CNTNAP5: variants seen among roughly 807,000 people sequenced by gnomAD.
CNTNAP5 encodes the protein contactin associated protein family member 5, also known as contactin-associated protein-like 5.
CNTNAP5 carries 72 observed loss-of-function variants against 150.2 expected under a neutral mutation model. The observed-to-expected ratio is 0.48, with a 90% CI of 0.40 to 0.58. The LOEUF is 0.58. CNTNAP5 is among the 20% of genes least tolerant of loss of function. The pLI, the probability that CNTNAP5 is intolerant of heterozygous loss-of-function variation, is 0.00. For missense variants in CNTNAP5, 1,636 were observed against 1,626.2 expected (o/e 1.01, Z -0.10); for synonymous variants, 672 against 619.8 (o/e 1.08, Z -1.25).
At chr2:124,172,497 C>A (rs1437154666) in intron 1 of CNTNAP5, among the ~76,000 whole-genome samples, 1 of 152,204 alleles carries the variant, frequency 6.6e-6, no homozygotes, top group Non-Finnish European at 1.5e-5. Context: ...ACTGCCACCT[C>A]TGACCCCGGG....
At chr2:124,455,103 A>G (rs1482164626) in intron 6 of CNTNAP5, among the ~76,000 whole-genome samples, 1 of 152,142 alleles carries the variant, frequency 6.6e-6, no homozygotes, top group East Asian at 1.9e-4. Context: ...GATAAATGAA[A>G]CAAAAATCTG....
At position 124,896,384 on chromosome 2, in the gene CNTNAP5, A is replaced by G. The variant is rs534244566; in HGVS notation, c.3437-6498A>G. 1.5e-4 allele frequency among the ~76,000 whole-genome samples: 22 copies of G among 151,626 alleles called. 2 individuals carry two copies. Among genetic ancestry groups the G allele is most frequent in the African/African-American group, 5.4e-4 (22 of 40,964 alleles). On this transcript the variant is annotated intron_variant, in intron 21 of 23. Transcript: ENST00000682447. ...TTTATTTTACTAATATTGGCTTGAC[A>G]CTTACTCTGTATTGGACACTGTGTT...
At position 124,084,924 on chromosome 2, in the gene CNTNAP5, G is replaced by GTTTTGTTTTTTTTTTTT. The variant is rs1553435818; in HGVS notation, c.82+59196_82+59197insGTTTTTTTTTTTTTTTT. ...TAAAAATTATGAATTCAAGTTTCCTGTTTTTTTTTTTTTTTGAGACGGAGT... is the reference window on the plus strand; with the variant it reads ...TAAAAATTATGAATTCAAGTTTCCTGTTTTGTTTTTTTTTTTTTTTTTTTTTTTTTTTGAGACGGAGT... On this transcript the variant is annotated intron_variant, in intron 1 of 23. Transcript: ENST00000682447. Among the ~76,000 whole-genome samples, 541 of 89,846 alleles carry GTTTTGTTTTTTTTTTTT rather than the reference G, an allele frequency of 6.0e-3. 1 individual carries two copies. Among genetic ancestry groups the GTTTTGTTTTTTTTTTTT allele is most frequent in the Middle Eastern group, 0.016 (1 of 62 alleles). The allele number at this position is 89,846 out of a possible 152,430, so 58.9% of individuals were successfully genotyped here.
chr2:124,074,671 T>G (rs1162611668), intron 1 of CNTNAP5, among the ~76,000 whole-genome samples: 1 of 152,098 alleles, frequency 6.6e-6, no homozygotes, highest in Non-Finnish European at 1.5e-5. Flanking sequence ...CTTACCAGCC[T>G]GTGATCTATA....
At chr2:124,815,636 C>T (rs112733674) in intron 19 of CNTNAP5, among the ~76,000 whole-genome samples, 90 of 152,200 alleles carry the variant, frequency 5.9e-4, no homozygotes, top group African/African-American at 2.1e-3. Context: ...GGCATTGCTC[C>T]GAAGTGCTTA....
chr2:124,830,851 C>T (rs1682699407), intron 19 of CNTNAP5, among the ~76,000 whole-genome samples: 1 of 151,934 alleles, frequency 6.6e-6, no homozygotes, highest in African/African-American at 2.4e-5. Flanking sequence ...GTTATATCTT[C>T]TCAAGGAGAA....
intron 16 of CNTNAP5, among the ~76,000 whole-genome samples, chr2:124,767,415 C>T (rs188907631): frequency 1.2e-4 from 19 of 152,258 alleles, no homozygotes; most frequent in East Asian, 3.9e-4. Flanking sequence ...CCTGTGAAAA[C>T]GATAACTATT....
At chr2:124,229,592 A>T (rs2104750777) in intron 2 of CNTNAP5, among the ~76,000 whole-genome samples, 1 of 152,340 alleles carries the variant, frequency 6.6e-6, no homozygotes, top group South Asian at 2.1e-4. Flanking sequence ...CCATTAACTT[A>T]GGTTGCCAAC....
intron 1 of CNTNAP5, among the ~76,000 whole-genome samples, chr2:124,216,000 G>A (rs1292638195): frequency 6.6e-6 from 1 of 152,034 alleles, no homozygotes; most frequent in African/African-American, 2.4e-5. Flanking sequence ...GGGCAGTCCT[G>A]TCATCTCCCT....
Position 124,619,471 on chromosome 2 carries a change from C to A in CNTNAP5, c.1876+9551C>A, listed in dbSNP as rs956058773. Among the ~76,000 whole-genome samples the A allele has an allele frequency of 2.6e-5, 4 of 152,044 alleles. 1 individual carries two copies. The highest frequency in any genetic ancestry group is 1.3e-4 in the Admixed American group (2 of 15,242). ...CGGCTTCTGAGGTGGGGCGATCTGC[C>A]CTTGGGGTGATGGTTAATTTTATGT... On this transcript the variant is annotated intron_variant, in intron 12 of 23. Coordinates refer to ENST00000682447, the MANE Select transcript of CNTNAP5 (RefSeq NM_001367498.1).
At chr2:124,800,067 T>C (rs1424413868) in intron 19 of CNTNAP5, among the ~76,000 whole-genome samples, 1 of 152,206 alleles carries the variant, frequency 6.6e-6, no homozygotes, top group Admixed American at 6.5e-5. Flanking sequence ...CTGAGGACAC[T>C]GAGGCATGGA....
intron 13 of CNTNAP5, among the ~76,000 whole-genome samples, chr2:124,659,801 G>C (rs549184620): frequency 6.6e-6 from 1 of 152,144 alleles, no homozygotes; most frequent in Non-Finnish European, 1.5e-5. Flanking sequence ...TTCTAGTTAG[G>C]TGAACACCTT....
intron 13 of CNTNAP5, among the ~76,000 whole-genome samples, chr2:124,717,895 G>A (rs1460003206): frequency 2.0e-5 from 3 of 152,132 alleles, no homozygotes; most frequent in Non-Finnish European, 4.4e-5. Flanking sequence ...AGTCAATAAA[G>A]ATGAACTTTT....
intron 8 of CNTNAP5, among the ~76,000 whole-genome samples, chr2:124,516,094 A>C (rs920735423): frequency 1.3e-5 from 2 of 152,204 alleles, no homozygotes; most frequent in African/African-American, 4.8e-5. Flanking sequence ...ATTTGAAGGC[A>C]TATGTGAACT....
chr2:124,068,464 G>A (rs1682218467), intron 1 of CNTNAP5, among the ~76,000 whole-genome samples: 1 of 152,108 alleles, frequency 6.6e-6, no homozygotes, highest in Non-Finnish European at 1.5e-5. Context: ...GAGTTTCTTA[G>A]AAGCCTCACC....
intron 1 of CNTNAP5, among the ~76,000 whole-genome samples, chr2:124,120,461 A>AAC (rs1683534575): frequency 6.6e-6 from 1 of 152,234 alleles, no homozygotes; most frequent in South Asian, 2.1e-4. Flanking sequence ...ACTCTGTCTT[A>AAC]AGAGATGAAT....
chr2:124,682,701 C>T (rs1679094825), intron 13 of CNTNAP5, among the ~76,000 whole-genome samples: 1 of 151,936 alleles, frequency 6.6e-6, no homozygotes, highest in African/African-American at 2.4e-5. Context: ...TTTATTTTGC[C>T]TGTATTTATG....
chr2:124,132,029 C>T (rs142107007), intron 1 of CNTNAP5, among the ~76,000 whole-genome samples: 2,154 of 152,230 alleles, frequency 0.014, 33 homozygotes, highest in Non-Finnish European at 0.02. Context: ...TCTACAGAGA[C>T]GGTCCTTTGA....
intron 3 of CNTNAP5, among the ~76,000 whole-genome samples, chr2:124,330,772 C>CAAAAAAA (rs34427267): frequency 6.7e-6 from 1 of 149,318 alleles, no homozygotes. Context: ...AGAAATCATG[C>CAAAAAAA]AAAAAAAAAT....
Sources: allele counts gnomAD v4.1 joint callset (sites outside exome capture counted in the v4.1 genomes callset), GRCh38; gene constraint gnomAD v4.1.1; transcripts MANE v1.5; gene names NCBI Gene and HGNC (gene_info 2026-07-23, HGNC 2026-07-21).